The following CACNA2D3 variants were observed in gnomAD, a reference collection of about 807,000 sequenced individuals.
CACNA2D3 encodes calcium voltage-gated channel auxiliary subunit alpha2delta 3, also known as voltage-dependent calcium channel subunit alpha-2/delta-3.
In CACNA2D3, 60 loss-of-function variants were observed where a neutral mutation model predicts 160.6. The ratio of observed to expected loss-of-function variants is 0.37; its 90% CI spans 0.30 to 0.46. CACNA2D3 has a LOEUF of 0.46. Ranked by LOEUF, CACNA2D3 falls within the 20% of genes least tolerant of loss-of-function variation. The probability of loss-of-function intolerance (pLI) is 1.00; values close to 1 mark genes in which losing one functional copy is unlikely to be tolerated. For missense variants in CACNA2D3, 1,205 were observed against 1,365.0 expected (o/e 0.88, Z 1.85); for synonymous variants, 558 against 492.9 (o/e 1.13, Z -1.75).
At chr3:54,444,706 T>G (rs1416542400) in intron 4 of CACNA2D3, among the ~76,000 whole-genome samples, 1 of 152,140 alleles carries the variant, frequency 6.6e-6, no homozygotes, top group Non-Finnish European at 1.5e-5. Context: ...TTTTCTCAGT[T>G]TTAAGTTAAT....
At chr3:54,453,905 A>G (rs1026406288) in intron 4 of CACNA2D3, among the ~76,000 whole-genome samples, 21 of 152,208 alleles carry the variant, frequency 1.4e-4, no homozygotes, top group African/African-American at 4.8e-4. Context: ...CATAAGTCAC[A>G]TATTCTCTAC....
chr3:54,950,218 A>G (rs1479209901), intron 27 of CACNA2D3, among the ~76,000 whole-genome samples: 1 of 152,234 alleles, frequency 6.6e-6, no homozygotes, highest in East Asian at 1.9e-4. Flanking sequence ...GCAAACTTCA[A>G]CATGCTCAAG....
intron 3 of CACNA2D3, among the ~76,000 whole-genome samples, chr3:54,350,968 G>GTTTTGTTTT (rs1698543203): frequency 3.6e-5 from 2 of 56,106 alleles, no homozygotes; most frequent in Non-Finnish European, 7.0e-5. Context: ...TCTTGAGTCT[G>GTTTTGTTTT]TTTTTTTTTT....
chr3:55,046,074 G>A lies in CACNA2D3; in HGVS notation c.2988-27371G>A, dbSNP rs1486130127. 4.0e-5 allele frequency among the ~76,000 whole-genome samples: 6 copies of A among 149,844 alleles called. 1 individual carries two copies. In the South Asian group the frequency reaches 8.5e-4, roughly 21 times the overall value. ...TAACTATATCCTAAAAATTTTGATAGGTTTTATGTTACACTTTTTTTTTTA... is the reference window on the plus strand; with the variant it reads ...TAACTATATCCTAAAAATTTTGATAAGTTTTATGTTACACTTTTTTTTTTA... On this transcript the variant is annotated intron_variant, in intron 35 of 37. Coordinates refer to ENST00000474759, the MANE Select transcript of CACNA2D3 (RefSeq NM_018398.3).
At chr3:54,237,535 G>T (rs920807999) in intron 2 of CACNA2D3, among the ~76,000 whole-genome samples, 1 of 151,950 alleles carries the variant, frequency 6.6e-6, no homozygotes. Flanking sequence ...AGATTTACAC[G>T]GTAAAGATTA....
At chr3:54,168,768 G>A (rs1700503881) in intron 2 of CACNA2D3, among the ~76,000 whole-genome samples, 1 of 152,140 alleles carries the variant, frequency 6.6e-6, no homozygotes, top group Non-Finnish European at 1.5e-5. Context: ...CCTTTAGGTG[G>A]TCCAGGCCAG....
In CACNA2D3 at chr3:54,122,603, C is replaced by A; in HGVS notation, c.-111C>A. 3.3e-6 allele frequency: 2 copies of A among 599,268 alleles called. No homozygotes were observed. Among genetic ancestry groups the A allele is most frequent in the East Asian group, 1.7e-4 (1 of 5,808 alleles). The allele number at this position is 599,268 out of a possible 1,614,324, so 37.1% of individuals were successfully genotyped here. On this transcript the variant is annotated 5_prime_UTR_variant, in exon 1 of 38. Transcript: ENST00000474759. ...CCGGGCGCGCGAGAGGCAGGCGGGG[C>A]GGCGCGGAGCGGAGCAGGCAGCCCC...
At position 54,123,653 on chromosome 3, in the gene CACNA2D3, A is replaced by G. The variant is rs1445314078; in HGVS notation, c.204+59A>G. 42 of 1,399,980 alleles carry G rather than the reference A, an allele frequency of 3.0e-5. 2 individuals carry two copies. The highest frequency in any genetic ancestry group is 2.6e-5 in the Non-Finnish European group (26 of 984,424). 86.7% of individuals were successfully genotyped at this position (1,399,980 alleles called of 1,614,324 possible). On this transcript the variant is annotated intron_variant, in intron 2 of 37. Coordinates refer to ENST00000474759, the MANE Select transcript of CACNA2D3 (RefSeq NM_018398.3). ...TTTCCGGCACAGAAAATGGAGGCAG[A>G]TTTAGTTTTCCAAACAAACGTGAGC...
chr3:54,684,035 A>T, intron 11 of CACNA2D3, among the ~76,000 whole-genome samples: 1 of 134,448 alleles, frequency 7.4e-6, no homozygotes, highest in East Asian at 2.1e-4. Context: ...CACTGGTGCT[A>T]TCTCGGCTCA....
At chr3:54,868,301 C>G (rs894814074) in intron 17 of CACNA2D3, among the ~76,000 whole-genome samples, 3 of 152,150 alleles carry the variant, frequency 2.0e-5, no homozygotes, top group Non-Finnish European at 4.4e-5. Flanking sequence ...ACGTACCTGG[C>G]TAAGCAGACA....
At chr3:54,499,032 G>A (rs1309780690) in intron 4 of CACNA2D3, among the ~76,000 whole-genome samples, 1 of 151,898 alleles carries the variant, frequency 6.6e-6, no homozygotes, top group Non-Finnish European at 1.5e-5. Flanking sequence ...TTGTTTGATG[G>A]CCCAGTATAT....
At chr3:54,657,060 G>C (rs1699885883) in intron 11 of CACNA2D3, among the ~76,000 whole-genome samples, 1 of 151,344 alleles carries the variant, frequency 6.6e-6, no homozygotes, top group Non-Finnish European at 1.5e-5. Context: ...GGAAAAAGGG[G>C]GGTTGTTCTC....
At chr3:54,609,824 G>A (rs1220855809) in intron 9 of CACNA2D3, among the ~76,000 whole-genome samples, 1 of 152,280 alleles carries the variant, frequency 6.6e-6, no homozygotes, top group Admixed American at 6.5e-5. Flanking sequence ...AGTTTTGTAG[G>A]TGGTGATTTG....
chr3:54,475,504 AAGTT>A (rs1700812527), intron 4 of CACNA2D3, among the ~76,000 whole-genome samples: 1 of 151,992 alleles, frequency 6.6e-6, no homozygotes, highest in Non-Finnish European at 1.5e-5. Context: ...TCTTTTAAGA[AAGTT>A]AGTCAACATA....
At chr3:54,358,642 G>A (rs1575413733) in intron 3 of CACNA2D3, among the ~76,000 whole-genome samples, 1 of 152,216 alleles carries the variant, frequency 6.6e-6, no homozygotes. Context: ...TCTCCCTGCT[G>A]GCTGTGGCTT....
chr3:54,581,979 C>A, intron 9 of CACNA2D3, 102 bp downstream of exon 9: 1 of 895,232 alleles, frequency 1.1e-6, no homozygotes, highest in Non-Finnish European at 1.7e-6. Context: ...ACTGCCCTTT[C>A]ATTGAGGCCC....
chr3:54,938,649 T>C (rs73845062), intron 27 of CACNA2D3, among the ~76,000 whole-genome samples: 1 of 151,638 alleles, frequency 6.6e-6, no homozygotes, highest in African/African-American at 2.4e-5. Context: ...CATCTTGATA[T>C]AGACTCAGTG....
chr3:54,939,571 T>C (rs1163601576), intron 27 of CACNA2D3, among the ~76,000 whole-genome samples: 3 of 152,186 alleles, frequency 2.0e-5, no homozygotes, highest in Non-Finnish European at 4.4e-5. Context: ...TTGGGCAAAG[T>C]GTGCTGGGGC....
intron 13 of CACNA2D3, among the ~76,000 whole-genome samples, chr3:54,766,975 C>T (rs1702237139): frequency 1.3e-5 from 2 of 150,092 alleles, no homozygotes; most frequent in African/African-American, 4.9e-5. Context: ...ACAGAATAAA[C>T]CAGAAACCAA....
Sources: allele counts gnomAD v4.1 joint callset (sites outside exome capture counted in the v4.1 genomes callset), GRCh38; gene constraint gnomAD v4.1.1; transcripts MANE v1.5; gene names NCBI Gene and HGNC (gene_info 2026-07-23, HGNC 2026-07-21).